TLE1: variants seen among roughly 807,000 people sequenced by gnomAD.
TLE1 encodes the protein TLE family member 1, transcriptional corepressor.
Under a neutral mutation model 89.8 loss-of-function variants are expected in TLE1, and 21 were observed. The ratio of observed to expected loss-of-function variants is 0.23; its 90% CI spans 0.17 to 0.34. The LOEUF is 0.34. Ranked by LOEUF, TLE1 falls within the 10% of genes least tolerant of loss-of-function variation. The probability of loss-of-function intolerance (pLI) is 1.00; values close to 1 mark genes in which losing one functional copy is unlikely to be tolerated. For missense variants in TLE1, 795 were observed against 1,031.2 expected (o/e 0.77, Z 3.14); for synonymous variants, 447 against 407.6 (o/e 1.10, Z -1.16).
chr9:81,670,857 A>G (rs1434707086), intron 4 of TLE1, among the ~76,000 whole-genome samples: 1 of 152,112 alleles, frequency 6.6e-6, no homozygotes. Flanking sequence ...GGTAAGCCAT[A>G]CTTAATAAAT....
chr9:81,677,428 C>T (rs567283692), intron 4 of TLE1, among the ~76,000 whole-genome samples: 11 of 151,110 alleles, frequency 7.3e-5, no homozygotes, highest in Admixed American at 4.6e-4. Flanking sequence ...AGCCGGGCAT[C>T]GTGGCAGACG....
At chr9:81,640,058 T>A (rs904049157) in intron 6 of TLE1, among the ~76,000 whole-genome samples, 1 of 152,046 alleles carries the variant, frequency 6.6e-6, no homozygotes. Context: ...GGGAAAAGAA[T>A]GCTACTGGTG....
intron 4 of TLE1, among the ~76,000 whole-genome samples, chr9:81,666,017 T>G (rs1398110268): frequency 6.6e-6 from 1 of 152,178 alleles, no homozygotes; most frequent in Non-Finnish European, 1.5e-5. Context: ...GGCTTTAATT[T>G]GTCATTTTGG....
At chr9:81,685,976 G>C (rs1834217671) in intron 2 of TLE1, 80 bp from the exon 3 acceptor site, 2 of 1,502,612 alleles carry the variant, frequency 1.3e-6, no homozygotes, top group Admixed American at 1.8e-5. Flanking sequence ...TGCACTTCAA[G>C]TAAAAACACA....
intron 16 of TLE1, 102 bp from the exon 17 acceptor site, chr9:81,587,930 G>C (rs370352587): frequency 1.5e-5 from 7 of 476,096 alleles, no homozygotes; most frequent in African/African-American, 1.1e-4. Flanking sequence ...GTGTGTGTGT[G>C]TGTGTGTGTG....
chr9:81,667,281 A>T (rs1330173653), intron 4 of TLE1, among the ~76,000 whole-genome samples: 1 of 151,646 alleles, frequency 6.6e-6, no homozygotes, highest in Non-Finnish European at 1.5e-5. Flanking sequence ...CCTGTAATCC[A>T]GCTACTCAGA....
At chr9:81,617,808 G>A (rs113709993) in intron 9 of TLE1, among the ~76,000 whole-genome samples, 18,462 of 152,154 alleles carry the variant, frequency 0.12, 1,363 homozygotes, top group Non-Finnish European at 0.17. Flanking sequence ...GGTGGATCAC[G>A]AGGTCAGGAG....
At position 81,583,816 on chromosome 9, in the gene TLE1, A is replaced by G. The variant is rs992401035; in HGVS notation, c.*382T>C. 3.7e-5 allele frequency: 7 copies of G among 187,076 alleles called. No individual in the cohort carries two copies. Among genetic ancestry groups the G allele is most frequent in the Admixed American group, 2.1e-4 (4 of 18,666 alleles). The allele number at this position is 187,076 out of a possible 1,614,324, so 11.6% of individuals were successfully genotyped here. ...AGGAAACAAGTTCATTGGAGACACC[A>G]CTGCTCTACAAAGGACGGAAAGTGA... On this transcript the variant is annotated 3_prime_UTR_variant, in exon 20 of 20. Transcript: ENST00000376499.
intron 6 of TLE1, among the ~76,000 whole-genome samples, chr9:81,635,934 A>C (rs1222231306): frequency 1.3e-5 from 2 of 152,178 alleles, no homozygotes; most frequent in Non-Finnish European, 2.9e-5. Context: ...CAAGGCAGGA[A>C]GATCACTGCA....
At position 81,638,032 on chromosome 9, in the gene TLE1, G is replaced by A. The variant is rs539481961; in HGVS notation, c.373-3731C>T. On this transcript the variant is annotated intron_variant, in intron 6 of 19. Transcript: ENST00000376499. ...TTCTCCAGAATAAGAAAGGAAAAGG[G>A]CAAAGCCATTCTCTACTGAGACTTC... is the stretch of plus-strand genomic sequence containing the variant. 8.5e-5 allele frequency among the ~76,000 whole-genome samples: 13 copies of A among 152,268 alleles called. No individual in the cohort carries two copies. The South Asian group carries it at 2.7e-3, about 32-fold the overall frequency.
In TLE1 at chr9:81,682,093, A is replaced by AT. The variant is rs538293074; in HGVS notation, c.234+3582_234+3583insA. Among the ~76,000 whole-genome samples, 64 of 152,188 alleles carry AT rather than the reference A, an allele frequency of 4.2e-4. No homozygotes were observed. The East Asian group carries it at 9.1e-3, about 22-fold the overall frequency. ...AAACCCTCTCTCTACTACAAAAAAAAGAAAAAAAAAGTTAGCCGGGCATGG... is the reference window on the plus strand; with the variant it reads ...AAACCCTCTCTCTACTACAAAAAAAATGAAAAAAAAAGTTAGCCGGGCATGG... On this transcript the variant is annotated intron_variant, in intron 4 of 19. Transcript: ENST00000376499.
chr9:81,673,583 T>A (rs1832522270), intron 4 of TLE1, among the ~76,000 whole-genome samples: 1 of 152,100 alleles, frequency 6.6e-6, no homozygotes, highest in Non-Finnish European at 1.5e-5. Flanking sequence ...ACTCACTTAA[T>A]CTTGGTAATT....
At chr9:81,607,580 G>T (rs905136719) in intron 14 of TLE1, among the ~76,000 whole-genome samples, 2 of 152,132 alleles carry the variant, frequency 1.3e-5, no homozygotes, top group Non-Finnish European at 2.9e-5. Flanking sequence ...TCCACCAAAG[G>T]TTCATTGGTT....
chr9:81,595,644 C>G (rs1206458465), intron 14 of TLE1, among the ~76,000 whole-genome samples: 1 of 151,902 alleles, frequency 6.6e-6, no homozygotes, highest in Non-Finnish European at 1.5e-5. Context: ...GAGTGAAACC[C>G]CATCTCTACT....
chr9:81,687,425 G>T lies in TLE1; in HGVS notation c.34C>A (p.Gln12Lys). The T allele has an allele frequency of 6.2e-7, 1 of 1,609,984 alleles. No individual in the cohort carries two copies. Among genetic ancestry groups the T allele is most frequent in the South Asian group, 1.1e-5 (1 of 89,954 alleles). ...AACTTGAAGGGCTGGCCTGCAGCCT[G>T]GTGCGGCGTCTGGGGGCGACCAGCG... is the stretch of plus-strand genomic sequence containing the variant. Reference protein sequence around the residue: ...FPQSRHPTPHQAAGQPFKFTI... With the variant: ...FPQSRHPTPHKAAGQPFKFTI... The change falls in exon 2 of 20, where the codon CAG becomes AAG. Residue 12 changes from glutamine to lysine, a missense_variant. This residue lies in a region of TLE1 where 47 missense variants were observed against 48.5 expected (regional missense o/e 0.97). Coordinates refer to ENST00000376499, the MANE Select transcript of TLE1 (RefSeq NM_005077.5).
chr9:81,673,384 T>TA (rs754308218), intron 4 of TLE1, among the ~76,000 whole-genome samples: 9 of 143,998 alleles, frequency 6.3e-5, no homozygotes, highest in Non-Finnish European at 1.2e-4. Flanking sequence ...TAAAACACGG[T>TA]AATGGGAAAA....
At chr9:81,664,481 A>G (rs1455829823) in intron 4 of TLE1, among the ~76,000 whole-genome samples, 2 of 152,222 alleles carry the variant, frequency 1.3e-5, no homozygotes, top group East Asian at 1.9e-4. Context: ...ATTCATCTTT[A>G]AATCTAATGT....
intron 4 of TLE1, among the ~76,000 whole-genome samples, chr9:81,664,689 T>C (rs1831235366): frequency 6.6e-6 from 1 of 150,958 alleles, no homozygotes; most frequent in Non-Finnish European, 1.5e-5. Context: ...ATAGGGAAAC[T>C]CAATCTCTCT....
chr9:81,592,159 C>T (rs1183584682), intron 15 of TLE1, among the ~76,000 whole-genome samples: 1 of 152,204 alleles, frequency 6.6e-6, no homozygotes, highest in Non-Finnish European at 1.5e-5. Context: ...GAGATCGAGA[C>T]CATTCTGGCT....
Sources: allele counts gnomAD v4.1 joint callset (sites outside exome capture counted in the v4.1 genomes callset), GRCh38; gene constraint gnomAD v4.1.1; regional missense constraint gnomAD v4.1.1; transcripts MANE v1.5; gene names NCBI Gene and HGNC (gene_info 2026-07-23, HGNC 2026-07-21).